DNAH5: variants seen among roughly 807,000 people sequenced by gnomAD.
DNAH5 encodes the protein dynein axonemal heavy chain 5.
DNAH5 carries 372 observed loss-of-function variants against 518.2 expected under a neutral mutation model. The observed-to-expected ratio is 0.72, with a 90% confidence interval of 0.66 to 0.78. The LOEUF is 0.78. DNAH5 is among the 30% of genes least tolerant of loss of function. The pLI is 0.00. For missense variants in DNAH5, 5,523 were observed against 5,687.0 expected (o/e 0.97, Z 0.93); for synonymous variants, 2,039 against 2,025.9 (o/e 1.01, Z -0.17).
chr5:13,735,955 G>C (rs199500106), intron 66 of DNAH5, 23 bp from the exon 67 acceptor site: 1 of 1,569,848 alleles, frequency 6.4e-7, no homozygotes. Context: ...GAGCAAGGTT[G>C]CATGTGCTAC....
intron 63 of DNAH5, 61 bp from the exon 64 acceptor site, chr5:13,752,350 T>A (rs1750361117): frequency 6.4e-7 from 1 of 1,570,760 alleles, no homozygotes; most frequent in East Asian, 2.2e-5. Flanking sequence ...TGCACAGGGA[T>A]AACTGTTTTC....
intron 31 of DNAH5, among the ~76,000 whole-genome samples, chr5:13,847,148 G>A (rs1162088534): frequency 7.2e-5 from 11 of 152,138 alleles, no homozygotes; most frequent in Admixed American, 4.6e-4. Flanking sequence ...CTCCGATTAC[G>A]ATCTGATCTG....
At chr5:13,976,352 A>C (rs2152062061) in intron 1 of DNAH5, among the ~76,000 whole-genome samples, 1 of 152,308 alleles carries the variant, frequency 6.6e-6, no homozygotes, top group East Asian at 1.9e-4. Context: ...ATTGTACACT[A>C]TACTGAGTAG....
At chr5:13,941,208 A>T (rs1404943842) in intron 1 of DNAH5, among the ~76,000 whole-genome samples, 4 of 152,206 alleles carry the variant, frequency 2.6e-5, no homozygotes, top group Non-Finnish European at 5.9e-5. Context: ...CAATTAAAAA[A>T]TTAGCCAGAT....
At chr5:14,005,939 A>G (rs1334024506) in intron 1 of DNAH5, among the ~76,000 whole-genome samples, 1 of 152,208 alleles carries the variant, frequency 6.6e-6, no homozygotes, top group Non-Finnish European at 1.5e-5. Context: ...CAAGGGACTC[A>G]GCCTCTTGGG....
chr5:14,009,573 T>C (rs527929336), intron 1 of DNAH5, among the ~76,000 whole-genome samples: 2 of 152,348 alleles, frequency 1.3e-5, no homozygotes, highest in East Asian at 1.9e-4. Context: ...ACCAAAATCC[T>C]TTCCAAATCA....
intron 1 of DNAH5, among the ~76,000 whole-genome samples, chr5:14,010,590 T>C (rs112335469): frequency 3.2e-4 from 49 of 152,226 alleles, no homozygotes; most frequent in African/African-American, 1.0e-3. Context: ...TCACTTGAAA[T>C]ACTAAAAAGA....
intron 1 of DNAH5, among the ~76,000 whole-genome samples, chr5:13,974,353 G>A (rs2152060085): frequency 6.6e-6 from 1 of 151,982 alleles, no homozygotes; most frequent in East Asian, 1.9e-4. Flanking sequence ...TTGAACTCCT[G>A]GACTCAAGCA....
At chr5:14,008,886 G>A (rs413198) in intron 1 of DNAH5, among the ~76,000 whole-genome samples, 63,282 of 152,076 alleles carry the variant, frequency 0.42, 14,334 homozygotes, top group East Asian at 0.81. Context: ...AAAAGAAAGC[G>A]TTCATTCCAC....
rs1275041810 is a variant in DNAH5 at position 13,894,750 on chromosome 5, G to A, written c.2331C>T (p.His777=). The change falls in exon 16 of 79, where the codon CAC becomes CAT. Residue 777 remains histidine (H), a synonymous_variant. Coordinates refer to ENST00000265104, the MANE Select transcript of DNAH5 (RefSeq NM_001369.3). The stretch of plus-strand genomic sequence containing the variant: ...GGAGAGCTTCATCCACTTTGGCCAA[G>A]TGAGGGACAATCAATTGCTCAATGG... ...PAAIEQLIVP[H]LAKVDEALQP... is the part of the protein sequence containing the mutation. The A allele has an allele frequency of 1.9e-6, 3 of 1,614,016 alleles. No individual in the cohort carries two copies. Among genetic ancestry groups the A allele is most frequent in the Non-Finnish European group, 2.5e-6 (3 of 1,179,988 alleles).
chr5:13,924,111 G>A (rs1777611622), intron 3 of DNAH5, among the ~76,000 whole-genome samples: 3 of 152,124 alleles, frequency 2.0e-5, no homozygotes, highest in Admixed American at 2.0e-4. Context: ...AGGTGGCAGA[G>A]CCAAGGTCGA....
intron 61 of DNAH5, among the ~76,000 whole-genome samples, chr5:13,758,365 C>G (rs1299965181): frequency 6.6e-6 from 1 of 152,040 alleles, no homozygotes; most frequent in African/African-American, 2.4e-5. Flanking sequence ...CATGGTGGTG[C>G]ATGTCTGTAG....
intron 17 of DNAH5, 64 bp from the exon 18 acceptor site, chr5:13,886,193 G>C (rs1772416719): frequency 6.8e-7 from 1 of 1,478,554 alleles, no homozygotes; most frequent in Non-Finnish European, 9.1e-7. Flanking sequence ...GCTTTTGAGA[G>C]CACAGAAACA....
rs776715085 is a variant in DNAH5, at chr5:13,718,985, G to A, written c.12396C>T (p.Thr4132=). 1.8e-5 allele frequency: 29 copies of A among 1,613,858 alleles called. No individual in the cohort carries two copies. Among genetic ancestry groups the A allele is most frequent in the South Asian group, 1.6e-4 (15 of 91,072 alleles). ...TAATGGGAAACTGCTTATGAGCCTC[G>A]GTGGTCATCCAGAGGCGGAACGCAT... The part of the protein sequence containing the change: ...VHDAFRLWMT[T]EAHKQFPITL... Residue 4132 remains threonine (T), a synonymous_variant, in exon 72 of 79, where the codon ACC becomes ACT. Transcript: ENST00000265104.
chr5:13,877,925 C>T (rs1370648236), intron 21 of DNAH5, among the ~76,000 whole-genome samples: 5 of 152,094 alleles, frequency 3.3e-5, no homozygotes, highest in Admixed American at 6.6e-5. Context: ...TGTGCAGAGA[C>T]GGGGCTTTAA....
At chr5:13,950,581 C>A (rs550081747) in intron 1 of DNAH5, among the ~76,000 whole-genome samples, 94 of 152,308 alleles carry the variant, frequency 6.2e-4, no homozygotes, top group Admixed American at 1.0e-3. Flanking sequence ...CAGCCGTATT[C>A]TTTGTATATA....
At chr5:13,900,474 C>T (rs1774458243) in intron 14 of DNAH5, 62 bp from the exon 15 acceptor site, 1 of 1,334,260 alleles carries the variant, frequency 7.5e-7, no homozygotes, top group Non-Finnish European at 1.1e-6. Context: ...GTATCTAGCT[C>T]AGCTATCTCT....
intron 59 of DNAH5, among the ~76,000 whole-genome samples, chr5:13,764,811 A>G (rs1458222165): frequency 6.6e-6 from 1 of 152,364 alleles, no homozygotes. Flanking sequence ...AGTACAAGGG[A>G]CAAACAAAAT....
intron 30 of DNAH5, among the ~76,000 whole-genome samples, chr5:13,853,340 C>T (rs909421344): frequency 9.2e-5 from 14 of 152,126 alleles, no homozygotes; most frequent in Non-Finnish European, 1.5e-4. Context: ...ACTAAAAGGA[C>T]GACCACACAA....
Sources: allele counts gnomAD v4.1 joint callset (sites outside exome capture counted in the v4.1 genomes callset), GRCh38; gene constraint gnomAD v4.1.1; transcripts MANE v1.5; gene names NCBI Gene and HGNC (gene_info 2026-07-23, HGNC 2026-07-21).